Variants in ERCC6 observed in about 807,000 individuals in gnomAD.
ERCC6 encodes DNA excision repair protein ERCC-6.
Under a neutral mutation model 158.7 loss-of-function variants are expected in ERCC6, and 116 were observed. The ratio of observed to expected loss-of-function variants is 0.73; its 90% CI spans 0.63 to 0.85. The LOEUF is 0.85. Among genes scored for constraint, ERCC6 ranks in the 40% least tolerant of loss-of-function variants. The pLI, the probability that ERCC6 is intolerant of heterozygous loss-of-function variation, is 0.00. For synonymous variants in ERCC6, 678 were observed against 659.3 expected (o/e 1.03, Z -0.43); for missense variants, 1,698 against 1,799.4 (o/e 0.94, Z 1.02).
At chr10:49,439,831 C>T in the ERCC6 span, among the ~76,000 whole-genome samples, 7 of 152,186 alleles carry the variant, frequency 4.6e-5, no homozygotes, top group Admixed American at 1.3e-4. Flanking sequence ...CCACACATCT[C>T]TAGGGCAGGG....
At chr10:49,475,543 T>C in intron 12 of ERCC6, 1 of 369,158 alleles carries the variant, frequency 2.7e-6, no homozygotes, top group South Asian at 2.2e-5. Context: ...GAGAGATGGT[T>C]AAAAGAACTG....
In ERCC6 at chr10:49,458,508, T is replaced by A. The variant is rs1434420682; in HGVS notation, c.*307A>T. The stretch of plus-strand genomic sequence containing the variant: ...CTTCTAACTGTGCTCCCTGACAGCA[T>A]CTTTTGGGTAAAGGAACAAATGTGC... On this transcript the variant is annotated 3_prime_UTR_variant, in exon 21 of 21. Coordinates refer to ENST00000355832, the MANE Select transcript of ERCC6 (RefSeq NM_000124.4). 2 of 345,688 alleles carry A rather than the reference T, an allele frequency of 5.8e-6. No homozygotes were observed. Among genetic ancestry groups the A allele is most frequent in the African/African-American group, 2.1e-5 (1 of 47,298 alleles). The allele number at this position is 345,688 out of a possible 1,614,324, so 21.4% of individuals were successfully genotyped here.
At chr10:49,520,331 T>C (rs1242240997) in intron 5 of ERCC6, among the ~76,000 whole-genome samples, 2 of 152,216 alleles carry the variant, frequency 1.3e-5, no homozygotes, top group African/African-American at 2.4e-5. Flanking sequence ...CTCTCGTCTG[T>C]GCTCGTTGCC....
At chr10:49,502,690 G>C (rs988744457) in intron 6 of ERCC6, 1 of 152,172 alleles carries the variant, frequency 6.6e-6, no homozygotes, top group East Asian at 1.9e-4. Flanking sequence ...TTCTCAGCCA[G>C]GGGTAATTCT....
At chr10:49,444,890 G>A in the ERCC6 span, among the ~76,000 whole-genome samples, 1 of 152,032 alleles carries the variant, frequency 6.6e-6, no homozygotes, top group Non-Finnish European at 1.5e-5. Flanking sequence ...TATGATCTGA[G>A]AGGTTAAAAA....
chr10:49,445,557 A>G, the ERCC6 span, among the ~76,000 whole-genome samples: 15,182 of 152,266 alleles, frequency 0.1, 1,119 homozygotes, highest in East Asian at 0.38. Context: ...GCACTATTCT[A>G]AGCTCTTTAG....
intron 20 of ERCC6, 128 bp downstream of exon 20, chr10:49,460,245 C>T (rs1289983868): frequency 1.4e-6 from 1 of 730,540 alleles, no homozygotes; most frequent in East Asian, 2.6e-5. Flanking sequence ...TCAGAGCGTG[C>T]AACACAAATA....
intron 5 of ERCC6, chr10:49,515,320 G>T (rs372113037): frequency 1.3e-6 from 2 of 1,592,956 alleles, no homozygotes; most frequent in African/African-American, 2.7e-5. Flanking sequence ...ATCTCAGGAG[G>T]TGGTGACACC....
intron 18 of ERCC6, among the ~76,000 whole-genome samples, chr10:49,469,780 T>C (rs1850739809): frequency 6.6e-6 from 1 of 152,216 alleles, no homozygotes. Context: ...TCAGCTTTCA[T>C]ACTTCTAGAA....
At chr10:49,485,209 C>G (rs966920807) in intron 8 of ERCC6, among the ~76,000 whole-genome samples, 3 of 152,198 alleles carry the variant, frequency 2.0e-5, no homozygotes, top group Admixed American at 6.5e-5. Context: ...GGGGCCATCA[C>G]TAACCCCATT....
At chr10:49,513,277 C>A (rs183591888) in intron 5 of ERCC6, among the ~76,000 whole-genome samples, 2 of 152,262 alleles carry the variant, frequency 1.3e-5, no homozygotes, top group East Asian at 3.9e-4. Context: ...TATACTGCCT[C>A]CTTAAGGAAA....
chr10:49,493,082 A>T, intron 8 of ERCC6, 35 bp downstream of exon 8: 1 of 1,611,684 alleles, frequency 6.2e-7, no homozygotes, highest in Non-Finnish European at 8.5e-7. Context: ...GAGGGCATTA[A>T]AACAAAACAA....
At chr10:49,440,400 G>C in the ERCC6 span, among the ~76,000 whole-genome samples, 275 of 152,248 alleles carry the variant, frequency 1.8e-3, no homozygotes, top group African/African-American at 6.3e-3. Flanking sequence ...CGGCCCTCAT[G>C]ATTCAATTAC....
chr10:49,531,917 C>T lies in ERCC6; in HGVS notation c.422+626G>A, dbSNP rs116300362. Among the ~76,000 whole-genome samples, 564 of 152,286 alleles carry T rather than the reference C, an allele frequency of 3.7e-3. 6 individuals carry two copies. The highest frequency in any genetic ancestry group is 0.013 in the African/African-American group (545 of 41,540). On this transcript the variant is annotated intron_variant, in intron 2 of 20. Coordinates refer to ENST00000355832, the MANE Select transcript of ERCC6 (RefSeq NM_000124.4). ...GTGAGCTCAACCCCTCCCACTTCCCCTCTCCTGTCCTCACCTCCTACCCTT... is the reference window on the plus strand; with the variant it reads ...GTGAGCTCAACCCCTCCCACTTCCCTTCTCCTGTCCTCACCTCCTACCCTT...
intron 6 of ERCC6, chr10:49,505,084 T>C (rs1851421027): frequency 6.6e-6 from 1 of 152,148 alleles, no homozygotes; most frequent in South Asian, 2.1e-4. Flanking sequence ...AAATTGATTA[T>C]ACAAAAGAGA....
intron 8 of ERCC6, among the ~76,000 whole-genome samples, chr10:49,484,507 AG>A (rs1264074792): frequency 6.6e-6 from 1 of 152,120 alleles, no homozygotes; most frequent in East Asian, 1.9e-4. Context: ...TGGGAGGCTG[AG>A]GGAGGAGAAT....
intron 6 of ERCC6, 22 bp downstream of exon 6, chr10:49,505,862 G>A (rs1851433636): frequency 6.2e-7 from 1 of 1,612,208 alleles, no homozygotes; most frequent in Non-Finnish European, 8.5e-7. Flanking sequence ...CAAATAGAAA[G>A]GAAAGAACAT....
At position 49,497,568 on chromosome 10, in the gene ERCC6, A is replaced by G. The variant is rs1851288332; in HGVS notation, c.1685+2970T>C. ...TCTGCCATTTTCCCCCTTAGTAGAAAAAATTGGAGATTTTCACGCTGAGTT... is the reference window on the plus strand; with the variant it reads ...TCTGCCATTTTCCCCCTTAGTAGAAGAAATTGGAGATTTTCACGCTGAGTT... On this transcript the variant is annotated intron_variant, in intron 7 of 20. Transcript: ENST00000355832. 4.6e-5 allele frequency among the ~76,000 whole-genome samples: 7 copies of G among 152,186 alleles called. No homozygotes were observed. In the South Asian group the frequency reaches 8.3e-4, roughly 18 times the overall value.
At chr10:49,494,483 G>A (rs1358488957) in intron 7 of ERCC6, among the ~76,000 whole-genome samples, 1 of 152,116 alleles carries the variant, frequency 6.6e-6, no homozygotes, top group Non-Finnish European at 1.5e-5. Flanking sequence ...GGTATACGTA[G>A]AAAAACTGGT....
Sources: allele counts gnomAD v4.1 joint callset (sites outside exome capture counted in the v4.1 genomes callset), GRCh38; gene constraint gnomAD v4.1.1; transcripts MANE v1.5; gene names NCBI Gene and HGNC (gene_info 2026-07-23, HGNC 2026-07-21).